The following ADGRB3 variants were observed in gnomAD, a reference collection of about 807,000 sequenced individuals.
ADGRB3 encodes the protein adhesion G protein-coupled receptor B3.
A neutral mutation model predicts 193.4 loss-of-function variants in ADGRB3; 37 were observed. That is an observed-to-expected ratio of 0.19 (90% CI 0.15 to 0.25). The LOEUF is 0.25. ADGRB3 is among the 10% of genes least tolerant of loss of function. ADGRB3 has a pLI of 1.00. For missense variants in ADGRB3, 1,637 were observed against 1,852.9 expected, an observed-to-expected ratio of 0.88 and a Z score of 2.14; for synonymous variants, 690 against 644.2, an observed-to-expected ratio of 1.07 and a Z score of -1.08.
intron 13 of ADGRB3, among the ~76,000 whole-genome samples, chr6:69,031,519 C>CTCTTTCTTTCTTTCTTTGTTTCTT (rs1770686967): frequency 4.7e-5 from 1 of 21,270 alleles, no homozygotes. Flanking sequence ...TTTGAGTTGT[C>CTCTTTCTTTCTTTCTTTGTTTCTT]TCTTTCTTTC....
chr6:68,695,581 C>T (rs183003684), intron 3 of ADGRB3, among the ~76,000 whole-genome samples: 1 of 151,958 alleles, frequency 6.6e-6, no homozygotes, highest in Admixed American at 6.6e-5. Flanking sequence ...TGGGGAAGGG[C>T]CCCCTGGATT....
intron 15 of ADGRB3, 79 bp from the exon 16 acceptor site, chr6:69,062,855 T>C: frequency 1.0e-6 from 1 of 1,001,842 alleles, no homozygotes. Flanking sequence ...TTTGAAACCA[T>C]CCCAAAATGT....
In ADGRB3 at chr6:69,349,875, C is replaced by T. The variant is rs145972684; in HGVS notation, c.3460-4358C>T. 3.3e-3 allele frequency among the ~76,000 whole-genome samples: 504 copies of T among 152,198 alleles called. 2 individuals carry two copies. The Middle Eastern group carries it at 0.034, about 10-fold the overall frequency. Reference sequence around the variant, plus strand: ...TTTGCTCAGTAGCTAAATACAGAGCCCGTTTCAAACTGTGGAGCTCTTTCC... The same window carrying T: ...TTTGCTCAGTAGCTAAATACAGAGCTCGTTTCAAACTGTGGAGCTCTTTCC... On this transcript the variant is annotated intron_variant, in intron 26 of 31. Coordinates refer to ENST00000370598, the MANE Select transcript of ADGRB3 (RefSeq NM_001704.3).
chr6:68,951,852 G>T (rs138518034), intron 6 of ADGRB3, among the ~76,000 whole-genome samples: 157 of 152,180 alleles, frequency 1.0e-3, no homozygotes, highest in African/African-American at 3.6e-3. Flanking sequence ...CTACTACCTC[G>T]CTGCTGAGCC....
intron 3 of ADGRB3, among the ~76,000 whole-genome samples, chr6:68,876,258 C>T (rs1446183992): frequency 1.3e-5 from 2 of 151,982 alleles, no homozygotes; most frequent in African/African-American, 4.8e-5. Flanking sequence ...TGAAGGACTC[C>T]CTACGGGAGC....
At chr6:68,819,169 T>G (rs1767700777) in intron 3 of ADGRB3, among the ~76,000 whole-genome samples, 2 of 152,056 alleles carry the variant, frequency 1.3e-5, no homozygotes, top group South Asian at 4.1e-4. Context: ...TAGTTGCTTG[T>G]TAGTTAGATG....
At chr6:68,650,188 C>T (rs1429421613) in intron 3 of ADGRB3, among the ~76,000 whole-genome samples, 1 of 152,000 alleles carries the variant, frequency 6.6e-6, no homozygotes, top group East Asian at 1.9e-4. Flanking sequence ...AATAATTATC[C>T]CTTTTGCAGA....
At chr6:68,782,794 TC>T (rs1766882336) in intron 3 of ADGRB3, among the ~76,000 whole-genome samples, 1 of 152,244 alleles carries the variant, frequency 6.6e-6, no homozygotes, top group Non-Finnish European at 1.5e-5. Flanking sequence ...TCTGTTCATA[TC>T]CTTCGCCCAC....
At position 69,291,666 on chromosome 6, in the gene ADGRB3, A is replaced by G. The variant is rs540211717; in HGVS notation, c.2815-33206A>G. Among the ~76,000 whole-genome samples, 43 of 152,282 alleles carry G rather than the reference A, an allele frequency of 2.8e-4. 1 individual carries two copies. Among genetic ancestry groups the G allele is most frequent in the African/African-American group, 9.9e-4 (41 of 41,558 alleles). On this transcript the variant is annotated intron_variant, in intron 20 of 31. Transcript: ENST00000370598. ...AGGGAAACTGTCTGATTTTATATATATTGGGGTTTCTTCAATAAGGAGAGC... is the reference window on the plus strand; with the variant it reads ...AGGGAAACTGTCTGATTTTATATATGTTGGGGTTTCTTCAATAAGGAGAGC...
intron 3 of ADGRB3, among the ~76,000 whole-genome samples, chr6:68,856,673 A>G (rs2150212203): frequency 6.6e-6 from 1 of 152,064 alleles, no homozygotes; most frequent in Non-Finnish European, 1.5e-5. Flanking sequence ...TAAAAGGGAA[A>G]CAGCGTATTT....
intron 20 of ADGRB3, among the ~76,000 whole-genome samples, chr6:69,295,843 G>A (rs2127294386): frequency 6.6e-6 from 1 of 152,254 alleles, no homozygotes; most frequent in East Asian, 1.9e-4. Context: ...GAATTGAAGA[G>A]GTGCTGGTTC....
intron 10 of ADGRB3, among the ~76,000 whole-genome samples, chr6:68,985,869 C>T (rs886535531): frequency 6.6e-6 from 1 of 152,096 alleles, no homozygotes; most frequent in African/African-American, 2.4e-5. Flanking sequence ...ACTTAGTGCT[C>T]TGCTTCTGAT....
chr6:68,787,083 A>G (rs142605001), intron 3 of ADGRB3, among the ~76,000 whole-genome samples: 3,008 of 152,258 alleles, frequency 0.02, 95 homozygotes, highest in African/African-American at 0.067. Flanking sequence ...TAGATATACA[A>G]TCATGTAATC....
intron 3 of ADGRB3, among the ~76,000 whole-genome samples, chr6:68,866,567 A>T (rs1465898002): frequency 1.3e-5 from 2 of 152,220 alleles, no homozygotes; most frequent in African/African-American, 4.8e-5. Context: ...TTGGAACTGG[A>T]TAACAGGAAG....
At chr6:69,221,333 T>C (rs751828664) in intron 17 of ADGRB3, among the ~76,000 whole-genome samples, 1 of 152,162 alleles carries the variant, frequency 6.6e-6, no homozygotes. Flanking sequence ...TTAAAGACAC[T>C]CCTTCCTCTT....
intron 3 of ADGRB3, among the ~76,000 whole-genome samples, chr6:68,817,929 T>C (rs1767668189): frequency 6.6e-6 from 1 of 152,134 alleles, no homozygotes; most frequent in African/African-American, 2.4e-5. Flanking sequence ...TTTAGTGTTG[T>C]GATTTGCATC....
intron 20 of ADGRB3, among the ~76,000 whole-genome samples, chr6:69,259,156 C>A (rs563996446): frequency 1.9e-4 from 29 of 152,124 alleles, no homozygotes; most frequent in Non-Finnish European, 2.9e-4. Flanking sequence ...AAAATATATC[C>A]TTTCGAATTT....
chr6:68,815,183 GTCCT>G (rs1767605198), intron 3 of ADGRB3, among the ~76,000 whole-genome samples: 1 of 152,136 alleles, frequency 6.6e-6, no homozygotes, highest in Non-Finnish European at 1.5e-5. Context: ...TAGTTTCCCA[GTCCT>G]TCGCGGCTCC....
intron 11 of ADGRB3, among the ~76,000 whole-genome samples, chr6:69,011,360 C>A (rs541327437): frequency 3.6e-4 from 54 of 151,878 alleles, no homozygotes; most frequent in Non-Finnish European, 7.1e-4. Flanking sequence ...TTATCCTAAG[C>A]AAATTAATGC....
Sources: gnomAD v4.1 joint callset for allele counts (sites outside exome capture counted in the v4.1 genomes callset) on GRCh38, gnomAD v4.1.1 for gene constraint, MANE v1.5 for transcripts, NCBI Gene and HGNC (gene_info 2026-07-23, HGNC 2026-07-21) for gene names.